The following EFCAB10 variants were observed in gnomAD, a reference collection of about 807,000 sequenced individuals.
EFCAB10 encodes the protein EF-hand calcium binding domain 10.
A neutral mutation model predicts 7.7 loss-of-function variants in EFCAB10; 7 were observed. That is an observed-to-expected ratio of 0.91 (90% CI 0.52 to 1.72). The LOEUF is 1.72. EFCAB10 is among the 40% of genes most tolerant of loss of function. The probability of loss-of-function intolerance (pLI) is 0.00; values close to 1 mark genes in which losing one functional copy is unlikely to be tolerated. For synonymous variants in EFCAB10, 52 were observed against 21.0 expected, an observed-to-expected ratio of 2.47 and a Z score of -4.03; for missense variants, 112 against 61.5, an observed-to-expected ratio of 1.82 and a Z score of -2.74.
At position 105,569,560 on chromosome 7, in the gene EFCAB10, C is replaced by A; in HGVS notation, c.118G>T (p.Glu40Ter). 1 of 690,610 alleles carries A rather than the reference C, an allele frequency of 1.4e-6. No individual in the cohort carries two copies. 42.8% of individuals were successfully genotyped at this position (690,610 alleles called of 1,614,324 possible). A position where few individuals can be genotyped will look rare whatever the true frequency, so the allele number is the denominator to read the frequency against. ...CGTTCCAATAGAGATATTAAATATT[C>A]TTTTGGTTTTTCTGCAAAAGAATAG... Reference protein sequence around the residue: ...LLFFRPEKPKEYLISLLERLR... With the variant: ...LLFFRPEKPK Residue 40 changes from glutamate (E) to a stop codon, truncating the protein, a stop_gained, in exon 2 of 5, where the codon GAA becomes TAA. Coordinates refer to ENST00000480514, the MANE Select transcript of EFCAB10 (RefSeq NM_001355526.2). LOFTEE classifies it high-confidence loss of function.
chr7:105,576,240 G>C (rs542689630), intron 1 of EFCAB10, among the ~76,000 whole-genome samples: 1 of 152,272 alleles, frequency 6.6e-6, no homozygotes, highest in Non-Finnish European at 1.5e-5. Flanking sequence ...TAAGGTCCCA[G>C]ACACTGAATG....
rs143410929 is a variant in EFCAB10, at chr7:105,575,102, C to T, written c.107-5531G>A. On this transcript the variant is annotated intron_variant, in intron 1 of 4. Coordinates refer to ENST00000480514, the MANE Select transcript of EFCAB10 (RefSeq NM_001355526.2). ...TGCACTCCAGCCTGGGCAACAACAG[C>T]GAAACTCTGTCTCAAAAAAAAAAAA... Among the ~76,000 whole-genome samples the T allele has an allele frequency of 9.4e-3, 1,366 of 145,092 alleles. 10 individuals are homozygous for T. The highest frequency in any genetic ancestry group is 0.018 in the Middle Eastern group (5 of 282).
intron 1 of EFCAB10, among the ~76,000 whole-genome samples, chr7:105,578,023 C>G (rs1792129372): frequency 6.6e-6 from 1 of 152,198 alleles, no homozygotes; most frequent in Admixed American, 6.5e-5. Context: ...CTTGGCCTCC[C>G]AAAGTGCTGG....
intron 1 of EFCAB10, among the ~76,000 whole-genome samples, chr7:105,579,483 G>A (rs1157685917): frequency 1.3e-5 from 2 of 152,138 alleles, no homozygotes; most frequent in Admixed American, 6.6e-5. Context: ...AGCCAAAAAT[G>A]TAAATATATT....
At chr7:105,566,030 G>T (rs1284545820) in intron 4 of EFCAB10, among the ~76,000 whole-genome samples, 1 of 152,148 alleles carries the variant, frequency 6.6e-6, no homozygotes, top group African/African-American at 2.4e-5. Flanking sequence ...AACACTTCGG[G>T]AGGCTGAGTT....
At chr7:105,566,795 T>C (rs1791772086) in intron 4 of EFCAB10, 1 of 167,942 alleles carries the variant, frequency 6.0e-6, no homozygotes, top group African/African-American at 2.4e-5. Flanking sequence ...ATTTATCTCT[T>C]ATTTTTGTCT....
At chr7:105,569,318 G>T in intron 2 of EFCAB10, 28 bp from the exon 3 acceptor site, 1 of 695,304 alleles carries the variant, frequency 1.4e-6, no homozygotes, top group South Asian at 1.5e-5. Flanking sequence ...GAAATGAAGT[G>T]AGAATTTTAC....
chr7:105,578,043 C>T (rs971742089), intron 1 of EFCAB10, among the ~76,000 whole-genome samples: 2 of 152,150 alleles, frequency 1.3e-5, no homozygotes, highest in Non-Finnish European at 2.9e-5. Context: ...GGATTATAGG[C>T]GTGAGCCACC....
rs780817707 is a variant in EFCAB10 at position 105,567,262 on chromosome 7, T to C, written c.383+205A>G. The C allele has an allele frequency of 8.7e-6, 14 of 1,611,516 alleles. No homozygotes were observed. On this transcript the variant is annotated intron_variant, in intron 4 of 4. Transcript: ENST00000480514. Reference sequence around the variant, plus strand: ...ATTTACAAACTGGCTCAACAAGATGTTGAGATTCTACTTAATTTGAGGACA... The same window carrying C: ...ATTTACAAACTGGCTCAACAAGATGCTGAGATTCTACTTAATTTGAGGACA...
At chr7:105,565,711 T>C (rs1791697426) in intron 4 of EFCAB10, 5 of 1,116,692 alleles carry the variant, frequency 4.5e-6, no homozygotes, top group Non-Finnish European at 6.6e-6. Context: ...CTAACTCCTT[T>C]TAACTTTAGG....
At chr7:105,568,220 ACAAAAGTCT>A in intron 3 of EFCAB10, among the ~76,000 whole-genome samples, 1 of 152,274 alleles carries the variant, frequency 6.6e-6, no homozygotes, top group East Asian at 1.9e-4. Context: ...AACTTATGAG[ACAAAAGTCT>A]CAAAAGTTTA....
chr7:105,569,683 C>CT (rs1791887368), intron 1 of EFCAB10, 112 bp from the exon 2 acceptor site: 1 of 600,696 alleles, frequency 1.7e-6, no homozygotes, highest in Non-Finnish European at 2.9e-6. Flanking sequence ...GTACTAGGCG[C>CT]TGGGGACACA....
In EFCAB10 at chr7:105,581,459, T is replaced by C; in HGVS notation, c.5A>G (p.Glu2Gly). ...GGCTTGGAGCTCCCTGCTGCTGGTC[T>C]CCATCGCTCCGCGTCCCGCTGTTGC... METSSRELQAAE... is the reference protein window; with the variant it reads MGTSSRELQAAE... The change falls in exon 1 of 5, where the codon GAG (glutamate) becomes GGG (glycine). Residue 2 changes from glutamate (E) to glycine (G), a missense_variant. By Grantham distance (98) the Glu-to-Gly change is moderately conservative. Transcript: ENST00000480514. The C allele has an allele frequency of 1.4e-6, 1 of 703,100 alleles. No individual in the cohort carries two copies. The highest frequency in any genetic ancestry group is 2.6e-6 in the Non-Finnish European group (1 of 384,980). 43.6% of individuals were successfully genotyped at this position (703,100 alleles called of 1,614,324 possible).
Position 105,565,368 on chromosome 7 carries a change from C to T in EFCAB10, c.*79G>A, listed in dbSNP as rs35531972. 4.3e-6 allele frequency: 7 copies of T among 1,614,050 alleles called. No individual in the cohort carries two copies. Among genetic ancestry groups the T allele is most frequent in the Non-Finnish European group, 5.9e-6 (7 of 1,180,024 alleles). On this transcript the variant is annotated 3_prime_UTR_variant, in exon 5 of 5. Coordinates refer to ENST00000480514, the MANE Select transcript of EFCAB10 (RefSeq NM_001355526.2). ...GCTGCTGACGTTACGAGACCATTTA[C>T]TTCAGTTGGAGCAGCAGCTTTGTTT...
intron 4 of EFCAB10, chr7:105,566,343 A>G (rs560123347): frequency 2.6e-5 from 4 of 152,304 alleles, no homozygotes; most frequent in South Asian, 2.1e-4. Context: ...AAATATAATT[A>G]TAGTTTCAGA....
At chr7:105,566,123 A>G (rs1562862912) in intron 4 of EFCAB10, among the ~76,000 whole-genome samples, 1 of 152,146 alleles carries the variant, frequency 6.6e-6, no homozygotes, top group Non-Finnish European at 1.5e-5. Flanking sequence ...ACCAAAAAAA[A>G]AAAAATTAGC....
chr7:105,580,897 T>C (rs920270397), intron 1 of EFCAB10, among the ~76,000 whole-genome samples: 1 of 152,140 alleles, frequency 6.6e-6, no homozygotes, highest in African/African-American at 2.4e-5. Flanking sequence ...ACATCTTCTA[T>C]CCTACCCTAT....
chr7:105,574,660 A>G (rs905714385), intron 1 of EFCAB10, among the ~76,000 whole-genome samples: 2 of 151,482 alleles, frequency 1.3e-5, no homozygotes, highest in Non-Finnish European at 2.9e-5. Flanking sequence ...AATTTTTTGT[A>G]TATTTTTAAT....
intron 4 of EFCAB10, 71 bp downstream of exon 4, chr7:105,567,395 GA>G: frequency 1.1e-6 from 1 of 938,864 alleles, no homozygotes; most frequent in Non-Finnish European, 1.7e-6. Flanking sequence ...ATGAAATTCT[GA>G]ATTAATGAAA....
Sources: allele counts gnomAD v4.1 joint callset (sites outside exome capture counted in the v4.1 genomes callset), GRCh38; gene constraint gnomAD v4.1.1; transcripts MANE v1.5; gene names NCBI Gene and HGNC (gene_info 2026-07-23, HGNC 2026-07-21).